Variants in AP5Z1 observed in about 807,000 individuals in gnomAD.
The protein encoded by AP5Z1 is adaptor related protein complex 5 subunit zeta 1.
AP5Z1 carries 106 observed loss-of-function variants against 83.0 expected under a neutral mutation model. The ratio of observed to expected loss-of-function variants is 1.28; its 90% CI spans 1.09 to 1.50. The LOEUF (loss-of-function observed/expected upper bound fraction) is 1.50, where lower values mean the gene tolerates loss of function less well. AP5Z1 is among the 40% of genes most tolerant of loss of function. AP5Z1 has a pLI of 0.00. For synonymous variants in AP5Z1, 751 were observed against 514.1 expected, an observed-to-expected ratio of 1.46 and a Z score of -6.23; for missense variants, 1,565 against 1,094.2, an observed-to-expected ratio of 1.43 and a Z score of -6.07.
intron 12 of AP5Z1, 148 bp downstream of exon 12, chr7:4,788,442 G>C (rs1562411784): frequency 2.9e-6 from 3 of 1,048,016 alleles, no homozygotes; most frequent in Non-Finnish European, 2.6e-6. Context: ...CCATTATAGA[G>C]GCCCTGCTTC....
rs561941675 is a variant in AP5Z1, at chr7:4,787,803, T to C, written c.1454+27T>C. ...TGGGCCCCTCACCCTCTGCCAGCGC[T>C]GCGTCTCCCAGCCAGCTGGTTCCAC... On this transcript the variant is annotated intron_variant, in intron 11 of 16. Coordinates refer to ENST00000649063, the MANE Select transcript of AP5Z1 (RefSeq NM_014855.3). 7.9e-6 allele frequency: 12 copies of C among 1,510,520 alleles called. No individual in the cohort carries two copies. In the East Asian group the frequency reaches 9.9e-5, roughly 12 times the overall value. The allele number at this position is 1,510,520 out of a possible 1,614,324, so 93.6% of individuals were successfully genotyped here. A position where few individuals can be genotyped will look rare whatever the true frequency, so the allele number is the denominator to read the frequency against.
chr7:4,782,052 GT>G (rs1781397407), intron 3 of AP5Z1, among the ~76,000 whole-genome samples: 1 of 152,118 alleles, frequency 6.6e-6, no homozygotes, highest in Non-Finnish European at 1.5e-5. Flanking sequence ...TCTTTTTGGG[GT>G]TTTTGTTTTG....
chr7:4,780,040 C>A (rs185392839), intron 1 of AP5Z1, among the ~76,000 whole-genome samples: 1 of 152,140 alleles, frequency 6.6e-6, no homozygotes, highest in Non-Finnish European at 1.5e-5. Context: ...CTCAGCGTCC[C>A]AAAGTGCTGG....
Position 4,783,328 on chromosome 7 carries a change from G to T in AP5Z1, c.379G>T (p.Glu127Ter). ...SVLLAQGDRN[E>*]EVRAVGQGVL... is the part of the protein sequence containing the mutation. ...GTTTGATTTGAAGGGTGACAGAAAC[G>T]AGGAGGTCAGAGCCGTGGGCCAGGG... is the stretch of plus-strand genomic sequence containing the variant. The change falls in exon 4 of 17, where the codon GAG (glutamate) becomes TAG (stop). Residue 127 changes from glutamate to a stop codon, truncating the protein, a stop_gained. Coordinates refer to ENST00000649063, the MANE Select transcript of AP5Z1 (RefSeq NM_014855.3). LOFTEE classifies it high-confidence loss of function. 6.2e-7 allele frequency: 1 copy of T among 1,609,810 alleles called. No individual in the cohort carries two copies. The highest frequency in any genetic ancestry group is 8.5e-7 in the Non-Finnish European group (1 of 1,178,002).
intron 3 of AP5Z1, among the ~76,000 whole-genome samples, chr7:4,782,187 G>A (rs534915288): frequency 1.3e-5 from 2 of 152,070 alleles, no homozygotes; most frequent in Non-Finnish European, 2.9e-5. Context: ...TGAGTAGCTG[G>A]GATTACAGGC....
rs990303800 is a variant in AP5Z1, at chr7:4,791,901, G to A, written c.*516G>A. ...TGCTGCTACAGAAACCAGGTCATTT[G>A]TGCACAGCCCGGAAGGCAGCGGCGC... On this transcript the variant is annotated 3_prime_UTR_variant, in exon 17 of 17. Coordinates refer to ENST00000649063, the MANE Select transcript of AP5Z1 (RefSeq NM_014855.3). 1.9e-5 allele frequency: 3 copies of A among 157,104 alleles called. No homozygotes were observed. The highest frequency in any genetic ancestry group is 3.9e-4 in the South Asian group (2 of 5,160). 9.7% of individuals were successfully genotyped at this position (157,104 alleles called of 1,614,324 possible).
chr7:4,791,403 A>T lies in AP5Z1; in HGVS notation c.*18A>T. 6.3e-7 allele frequency: 1 copy of T among 1,591,822 alleles called. No individual in the cohort carries two copies. Among genetic ancestry groups the T allele is most frequent in the Non-Finnish European group, 8.6e-7 (1 of 1,168,688 alleles). ...CAGGGTGAAGGGACAGTGGCCAGGG[A>T]CTTCGGTGCAGATTAAGAGCCTGGG... On this transcript the variant is annotated 3_prime_UTR_variant, in exon 17 of 17. Transcript: ENST00000649063.
rs377565484 is a variant in AP5Z1 at position 4,786,285 on chromosome 7, C to G, written c.1168C>G (p.Gln390Glu). 1.7e-5 allele frequency: 28 copies of G among 1,613,002 alleles called. No homozygotes were observed. The highest frequency in any genetic ancestry group is 4.5e-5 in the East Asian group (2 of 44,886). ...TGCAGTGGACTCGGAAGCCGTCTAC[C>G]AGCACCTGTTCACCAGGATCCCGGT... ...AAAVDSEAVYQHLFTRIPVEQ... is the reference protein window; with the variant it reads ...AAAVDSEAVYEHLFTRIPVEQ... Residue 390 changes from glutamine (Q) to glutamate (E), a missense_variant, in exon 10 of 17, where the codon CAG (glutamine) becomes GAG (glutamate). By Grantham distance (29) the Gln-to-Glu change is conservative. Transcript: ENST00000649063.
Position 4,794,096 on chromosome 7 carries a change from T to G in AP5Z1, c.*2711T>G, listed in dbSNP as rs1379523303. On this transcript the variant is annotated 3_prime_UTR_variant, in exon 17 of 17. Transcript: ENST00000649063. Reference sequence around the variant, plus strand: ...AGCTCAGGGTTTGTGAATGCACCAATAGACACTCTGTATCTAGCTACTCTG... The same window carrying G: ...AGCTCAGGGTTTGTGAATGCACCAAGAGACACTCTGTATCTAGCTACTCTG... 6.6e-6 allele frequency: 1 copy of G among 152,478 alleles called. No individual in the cohort carries two copies. Among genetic ancestry groups the G allele is most frequent in the Non-Finnish European group, 1.5e-5 (1 of 68,266 alleles). The allele number at this position is 152,478 out of a possible 1,614,324, so 9.4% of individuals were successfully genotyped here. A position where few individuals can be genotyped will look rare whatever the true frequency, so the allele number is the denominator to read the frequency against.
chr7:4,784,505 C>T (rs1008010818), intron 6 of AP5Z1, 134 bp downstream of exon 6: 32 of 1,113,924 alleles, frequency 2.9e-5, no homozygotes, highest in South Asian at 2.5e-4. Context: ...GACTGAGCAA[C>T]GCAGCCTGCT....
Position 4,791,357 on chromosome 7 carries a change from AGAGGGAGGCCGG to A in AP5Z1, c.2397_2408del (p.Glu799_Gly803delinsAsp). 6.2e-7 allele frequency: 1 copy of A among 1,608,418 alleles called. No homozygotes were observed. Among genetic ancestry groups the A allele is most frequent in the Non-Finnish European group, 8.5e-7 (1 of 1,177,996 alleles). On this transcript the variant is annotated inframe_deletion, in exon 17 of 17. Coordinates refer to ENST00000649063, the MANE Select transcript of AP5Z1 (RefSeq NM_014855.3). ...CTGCGCACGGTCAGCCGGCTGGTGG[AGAGGGAGGCCGG>A]CCTCATGCCAGGGTGAAGGGACAGT...
At position 4,781,160 on chromosome 7, in the gene AP5Z1, CTCT is replaced by C; in HGVS notation, c.42-10_42-8del. On this transcript the variant is annotated splice_polypyrimidine_tract_variant and intron_variant, in intron 1 of 16. Transcript: ENST00000649063. ...GCGAGTGCTTCTGGGTCCTGAAGTCCTCTTCTTTGTTTAGGGAGATCCAGGACG... is the reference window on the plus strand; with the variant it reads ...GCGAGTGCTTCTGGGTCCTGAAGTCCTCTTTGTTTAGGGAGATCCAGGACG... The C allele has an allele frequency of 6.2e-7, 1 of 1,612,572 alleles. No individual in the cohort carries two copies. Among genetic ancestry groups the C allele is most frequent in the Admixed American group, 1.7e-5 (1 of 59,948 alleles).
chr7:4,779,552 C>T (rs1394836050), intron 1 of AP5Z1, among the ~76,000 whole-genome samples: 6 of 151,412 alleles, frequency 4.0e-5, no homozygotes, highest in Admixed American at 1.3e-4. Context: ...CAGCTCACTG[C>T]AGCCTGATCT....
At chr7:4,776,555 GAAAATAC>G (rs1781232909) in intron 1 of AP5Z1, among the ~76,000 whole-genome samples, 1 of 92,170 alleles carries the variant, frequency 1.1e-5, no homozygotes. Context: ...CGTCTCTACT[GAAAATAC>G]AAAAAAAAAA....
At chr7:4,786,626 A>T in intron 10 of AP5Z1, among the ~76,000 whole-genome samples, 198 bp downstream of exon 10, 1 of 152,142 alleles carries the variant, frequency 6.6e-6, no homozygotes, top group East Asian at 1.9e-4. Flanking sequence ...GTGCTGTCCA[A>T]GAACTCCCTT....
In AP5Z1 at chr7:4,791,368, G is replaced by A. The variant is rs201682318; in HGVS notation, c.2407G>A (p.Gly803Ser). The A allele has an allele frequency of 6.2e-5, 100 of 1,606,832 alleles. 2 individuals are homozygous for A. The highest frequency in any genetic ancestry group is 3.7e-4 in the African/African-American group (28 of 74,926). The part of the protein sequence containing the change: ...TVSRLVEREA[G>S]LMPG ...CAGCCGGCTGGTGGAGAGGGAGGCC[G>A]GCCTCATGCCAGGGTGAAGGGACAG... Residue 803 changes from glycine (G) to serine (S), a missense_variant, in exon 17 of 17, where the codon GGC (glycine) becomes AGC (serine). Gly to Ser is a moderately conservative substitution (Grantham distance 56). Transcript: ENST00000649063.
intron 1 of AP5Z1, among the ~76,000 whole-genome samples, chr7:4,777,224 GCATGT>G (rs1175756375): frequency 6.6e-6 from 1 of 152,080 alleles, no homozygotes; most frequent in African/African-American, 2.4e-5. Flanking sequence ...TGGCATCTCA[GCATGT>G]AACATGTTAA....
In AP5Z1 at chr7:4,791,624, GC is replaced by G; in HGVS notation, c.*240del. ...GAGCTGAGCTGAGGGGTGCCATGGA[GC>G]GGCTCTGATTGGAGGCTTGAGGCCC... On this transcript the variant is annotated 3_prime_UTR_variant, in exon 17 of 17. Coordinates refer to ENST00000649063, the MANE Select transcript of AP5Z1 (RefSeq NM_014855.3). The G allele has an allele frequency of 1.7e-6, 1 of 604,146 alleles. No individual in the cohort carries two copies. Among genetic ancestry groups the G allele is most frequent in the Non-Finnish European group, 2.8e-6 (1 of 359,694 alleles). 37.4% of individuals were successfully genotyped at this position (604,146 alleles called of 1,614,324 possible).
Position 4,781,681 on chromosome 7 carries a change from G to C in AP5Z1, c.293G>C (p.Ser98Thr). Reference protein sequence around the residue: ...AILREMSPSDSLSLAWDHTQN... With the variant: ...AILREMSPSDTLSLAWDHTQN... The stretch of plus-strand genomic sequence containing the variant: ...CTGCGAGAGATGTCCCCCTCTGACA[G>C]CCTCAGCCTGGCCTGGGACCACACG... Residue 98 changes from serine (S) to threonine (T), a missense_variant, in exon 3 of 17, where the codon AGC becomes ACC. Coordinates refer to ENST00000649063, the MANE Select transcript of AP5Z1 (RefSeq NM_014855.3). 6.3e-7 allele frequency: 1 copy of C among 1,597,700 alleles called. No individual in the cohort carries two copies. Among genetic ancestry groups the C allele is most frequent in the East Asian group, 2.3e-5 (1 of 44,388 alleles).
Sources: allele counts gnomAD v4.1 joint callset (sites outside exome capture counted in the v4.1 genomes callset), GRCh38; gene constraint gnomAD v4.1.1; transcripts MANE v1.5; gene names NCBI Gene and HGNC (gene_info 2026-07-23, HGNC 2026-07-21).